The following WBP4 variants were observed in gnomAD, a reference collection of about 807,000 sequenced individuals.
WBP4 encodes the protein WW domain binding protein 4.
In WBP4, 37 loss-of-function variants were observed where a neutral mutation model predicts 55.4. That is an observed-to-expected ratio of 0.67 (90% CI 0.51 to 0.88). The LOEUF is 0.88. Ranked by LOEUF, WBP4 falls within the 40% of genes least tolerant of loss-of-function variation. The probability of loss-of-function intolerance (pLI) is 0.00; values close to 1 mark genes in which losing one functional copy is unlikely to be tolerated. For missense variants in WBP4, 398 were observed against 420.8 expected, an observed-to-expected ratio of 0.95 and a Z score of 0.47; for synonymous variants, 142 against 140.2, an observed-to-expected ratio of 1.01 and a Z score of -0.09.
At chr13:41,074,148 G>T (rs1878374393) in intron 7 of WBP4, among the ~76,000 whole-genome samples, 1 of 151,988 alleles carries the variant, frequency 6.6e-6, no homozygotes, top group African/African-American at 2.4e-5. Context: ...AGTCAGGATG[G>T]TCTCGATCTC....
At chr13:41,078,771 G>A (rs1454131208) in intron 8 of WBP4, among the ~76,000 whole-genome samples, 1 of 151,928 alleles carries the variant, frequency 6.6e-6, no homozygotes, top group African/African-American at 2.4e-5. Context: ...AGGTTGCAGT[G>A]AGCTAAGATC....
At position 41,065,226 on chromosome 13, in the gene WBP4, A is replaced by G. The variant is rs768525344; in HGVS notation, c.201A>G (p.Ala67=). The change falls in exon 4 of 10, where the codon GCA becomes GCG. Residue 67 remains alanine (A), a synonymous_variant. Coordinates refer to ENST00000379487, the MANE Select transcript of WBP4 (RefSeq NM_007187.5). ...EEEKASKEFA[A]MEAAALKAYQ... is the part of the protein sequence containing the mutation. ...AAAAGGCATCAAAGGAGTTTGCTGCAATGGAGGCAGCTGCCCTGAAAGCAT... is the reference window on the plus strand; with the variant it reads ...AAAAGGCATCAAAGGAGTTTGCTGCGATGGAGGCAGCTGCCCTGAAAGCAT... 1 of 1,611,996 alleles carries G rather than the reference A, an allele frequency of 6.2e-7. No individual in the cohort carries two copies.
Position 41,061,609 on chromosome 13 carries a change from G to T in WBP4, c.-65G>T, listed in dbSNP as rs1320518785. 1 of 1,613,478 alleles carries T rather than the reference G, an allele frequency of 6.2e-7. No homozygotes were observed. Among genetic ancestry groups the T allele is most frequent in the African/African-American group, 1.3e-5 (1 of 74,936 alleles). ...TCGGGCGGCTGGAAGAGCTCGACTC[G>T]TCCCGCTGGGAAAGCGCGAGTCTGA... On this transcript the variant is annotated 5_prime_UTR_variant, in exon 1 of 10. Coordinates refer to ENST00000379487, the MANE Select transcript of WBP4 (RefSeq NM_007187.5).
intron 5 of WBP4, 139 bp from the exon 6 acceptor site, chr13:41,071,388 T>C (rs984588718): frequency 9.2e-6 from 6 of 655,258 alleles, no homozygotes; most frequent in Non-Finnish European, 1.6e-5. Context: ...ATGTATGTTC[T>C]GTTTTATTTT....
Position 41,082,685 on chromosome 13 carries a change from A to T in WBP4, c.921-19A>T. 9.3e-6 allele frequency: 15 copies of T among 1,611,898 alleles called. No homozygotes were observed. Among genetic ancestry groups the T allele is most frequent in the Non-Finnish European group, 1.2e-5 (14 of 1,178,576 alleles). On this transcript the variant is annotated intron_variant, in intron 9 of 9. Transcript: ENST00000379487. The stretch of plus-strand genomic sequence containing the variant: ...GTCTTACCCTGTCAAATAGAGTTTT[A>T]CTTTAACTCTATTTCCAGTGAGGAG...
rs554788303 is a variant in WBP4 at position 41,073,557 on chromosome 13, G to A, written c.562+700G>A. 2.0e-5 allele frequency among the ~76,000 whole-genome samples: 3 copies of A among 151,356 alleles called. No individual in the cohort carries two copies. In the South Asian group the frequency reaches 6.3e-4, roughly 32 times the overall value. ...AGGCTAGGCGCGGTGGCTCACGCCT[G>A]TAATCTCAGCAGTTTGGAAGGCCAA... On this transcript the variant is annotated intron_variant, in intron 7 of 9. Transcript: ENST00000379487.
rs200281123 is a variant in WBP4 at position 41,082,898 on chromosome 13, G to A, written c.1115G>A (p.Arg372Gln). Residue 372 changes from arginine (R) to glutamine (Q), a missense_variant, in exon 10 of 10, where the codon CGA becomes CAA. Physicochemically the swap from Arg to Gln is conservative, Grantham distance 43. Transcript: ENST00000379487. The stretch of plus-strand genomic sequence containing the variant: ...GGAAAATCTAGAAATTTAAGGCAAC[G>A]AGGTGATGATCAATAGTTGCAGGAG... Reference protein sequence around the residue: ...ENGKSRNLRQRGDDQ With the variant: ...ENGKSRNLRQQGDDQ 8.7e-6 allele frequency: 14 copies of A among 1,613,964 alleles called. No homozygotes were observed. Among genetic ancestry groups the A allele is most frequent in the East Asian group, 4.5e-5 (2 of 44,868 alleles).
At chr13:41,073,467 C>T (rs1438408552) in intron 7 of WBP4, among the ~76,000 whole-genome samples, 1 of 150,826 alleles carries the variant, frequency 6.6e-6, no homozygotes, top group East Asian at 2.0e-4. Context: ...GACCCGAGAT[C>T]GTGCCATTGC....
At chr13:41,075,962 TGTAA>T in intron 7 of WBP4, 78 bp from the exon 8 acceptor site, 2 of 1,382,326 alleles carry the variant, frequency 1.4e-6, no homozygotes, top group Non-Finnish European at 2.0e-6. Flanking sequence ...ATTTAATAAT[TGTAA>T]GTGATAAATG....
At chr13:41,080,912 A>AT in intron 9 of WBP4, 103 bp downstream of exon 9, 1 of 1,300,232 alleles carries the variant, frequency 7.7e-7, no homozygotes, top group Non-Finnish European at 1.1e-6. Context: ...GTGCTTATTA[A>AT]AAGTATAGCT....
intron 4 of WBP4, 45 bp downstream of exon 4, chr13:41,065,332 T>C: frequency 6.6e-7 from 1 of 1,520,564 alleles, no homozygotes; most frequent in South Asian, 1.3e-5. Flanking sequence ...GTTTTAAAAG[T>C]AACATCAGAG....
At chr13:41,078,690 C>T (rs1290476201) in intron 8 of WBP4, among the ~76,000 whole-genome samples, 1 of 151,942 alleles carries the variant, frequency 6.6e-6, no homozygotes, top group African/African-American at 2.4e-5. Flanking sequence ...AGCTGGGTGT[C>T]CTGGCGCATG....
At chr13:41,069,867 A>G (rs1878158017) in intron 5 of WBP4, among the ~76,000 whole-genome samples, 1 of 151,316 alleles carries the variant, frequency 6.6e-6, no homozygotes, top group African/African-American at 2.4e-5. Context: ...AACAAGAGCG[A>G]AAGTCCATCT....
intron 8 of WBP4, among the ~76,000 whole-genome samples, chr13:41,076,989 G>A (rs760807290): frequency 2.6e-5 from 4 of 152,086 alleles, no homozygotes; most frequent in Non-Finnish European, 5.9e-5. Context: ...ATTTATTTTC[G>A]TCAAAATGAA....
chr13:41,080,920 G>T (rs1409851453), intron 9 of WBP4, 111 bp downstream of exon 9: 1 of 1,221,548 alleles, frequency 8.2e-7, no homozygotes, highest in East Asian at 2.4e-5. Context: ...TAAAAGTATA[G>T]CTTGAGGCCA....
At position 41,062,725 on chromosome 13, in the gene WBP4, A is replaced by G; in HGVS notation, c.75+9A>G. On this transcript the variant is annotated intron_variant, in intron 2 of 9. Coordinates refer to ENST00000379487, the MANE Select transcript of WBP4 (RefSeq NM_007187.5). The stretch of plus-strand genomic sequence containing the variant: ...TAGCAGACAATAGGCCTGTATGATA[A>G]TTCCGCTGTTAGAGATTCTAATAAT... 7 of 1,600,220 alleles carry G rather than the reference A, an allele frequency of 4.4e-6. No homozygotes were observed. The highest frequency in any genetic ancestry group is 5.1e-6 in the Non-Finnish European group (6 of 1,172,502).
intron 5 of WBP4, among the ~76,000 whole-genome samples, chr13:41,069,979 GT>G (rs1169242209): frequency 6.6e-6 from 1 of 151,772 alleles, no homozygotes; most frequent in South Asian, 2.1e-4. Context: ...TGTATTTGGG[GT>G]TTTTACTCCG....
chr13:41,080,941 T>C (rs752975832), intron 9 of WBP4, 132 bp downstream of exon 9: 48 of 970,738 alleles, frequency 4.9e-5, no homozygotes, highest in Non-Finnish European at 7.2e-5. Flanking sequence ...GATGCACCCC[T>C]GTAATCCCAG....
intron 1 of WBP4, chr13:41,062,055 C>T (rs1877679224): frequency 1.0e-5 from 10 of 983,904 alleles, no homozygotes; most frequent in African/African-American, 1.8e-5. Flanking sequence ...GCTGCGGCCT[C>T]CCCCGCCCAC....
Sources: allele counts gnomAD v4.1 joint callset (sites outside exome capture counted in the v4.1 genomes callset), GRCh38; gene constraint gnomAD v4.1.1; transcripts MANE v1.5; gene names NCBI Gene and HGNC (gene_info 2026-07-23, HGNC 2026-07-21).